SHQ1: variants seen among roughly 807,000 people sequenced by gnomAD.
SHQ1 encodes protein SHQ1 homolog.
Under a neutral mutation model 53.8 loss-of-function variants are expected in SHQ1, and 49 were observed. The ratio of observed to expected loss-of-function variants is 0.91; its 90% confidence interval spans 0.72 to 1.16. SHQ1 has a LOEUF of 1.16. Ranked by LOEUF, SHQ1 falls within the 50% of genes most tolerant of loss-of-function variation. The probability of loss-of-function intolerance (pLI) is 0.00; values close to 1 mark genes in which losing one functional copy is unlikely to be tolerated. For synonymous variants in SHQ1, 243 were observed against 251.0 expected, an observed-to-expected ratio of 0.97 and a Z score of 0.30; for missense variants, 738 against 683.1, an observed-to-expected ratio of 1.08 and a Z score of -0.90.
Position 72,848,393 on chromosome 3 carries a change from C to A in SHQ1, c.-53G>T. On this transcript the variant is annotated 5_prime_UTR_variant, in exon 1 of 11. Coordinates refer to ENST00000325599, the MANE Select transcript of SHQ1 (RefSeq NM_018130.3). ...CGCTCGCTCTCACTGCCGCCGCGTT[C>A]CCGCCACGCAAACTCTCCAACTCCC... The A allele has an allele frequency of 2.5e-6, 4 of 1,604,360 alleles. No homozygotes were observed. The highest frequency in any genetic ancestry group is 2.6e-6 in the Non-Finnish European group (3 of 1,174,966).
downstream of SHQ1, among the ~76,000 whole-genome samples, chr3:72,744,550 CTGTT>C (rs537817898): frequency 2.0e-5 from 3 of 152,174 alleles, no homozygotes; most frequent in South Asian, 2.1e-4. Context: ...ATGTGTTTGC[CTGTT>C]TGTTTTCTCC....
At chr3:72,842,933 G>T (rs192094950) in intron 2 of SHQ1, among the ~76,000 whole-genome samples, 1 of 152,178 alleles carries the variant, frequency 6.6e-6, no homozygotes, top group East Asian at 1.9e-4. Flanking sequence ...AAATTAGCTG[G>T]GAGTGGTGGC....
At chr3:72,765,550 T>G (rs1409362307) in intron 10 of SHQ1, among the ~76,000 whole-genome samples, 1 of 98,986 alleles carries the variant, frequency 1.0e-5, no homozygotes. Context: ...TATATATATA[T>G]ATATATATTT....
chr3:72,840,086 T>C lies in SHQ1; in HGVS notation c.486+959A>G, dbSNP rs1475657855. Among the ~76,000 whole-genome samples the C allele has an allele frequency of 2.6e-5, 4 of 151,236 alleles. No individual in the cohort carries two copies. The East Asian group carries it at 7.9e-4, about 30-fold the overall frequency. ...GGCCAACATGGCAAAACTCCATCTC[T>C]ACTAAAAATAGAAAAATTAGCCAGG... On this transcript the variant is annotated intron_variant, in intron 4 of 10. Transcript: ENST00000325599.
chr3:72,806,647 T>C (rs1471784225), intron 9 of SHQ1, among the ~76,000 whole-genome samples: 1 of 152,190 alleles, frequency 6.6e-6, no homozygotes. Flanking sequence ...AGATAGCATA[T>C]CGATTTTCCA....
intron 9 of SHQ1, among the ~76,000 whole-genome samples, chr3:72,812,377 C>G (rs1043948304): frequency 6.6e-6 from 1 of 152,264 alleles, no homozygotes; most frequent in South Asian, 2.1e-4. Context: ...TATAGGCAGC[C>G]AAGAAATACT....
At chr3:72,783,183 C>CCT (rs763918538) in intron 10 of SHQ1, among the ~76,000 whole-genome samples, 2 of 152,096 alleles carry the variant, frequency 1.3e-5, no homozygotes, top group Non-Finnish European at 2.9e-5. Flanking sequence ...GCCACCCAGC[C>CCT]ACAGCTATAA....
At chr3:72,835,122 T>G (rs1420001703) in intron 4 of SHQ1, among the ~76,000 whole-genome samples, 2 of 151,338 alleles carry the variant, frequency 1.3e-5, no homozygotes, top group Non-Finnish European at 2.9e-5. Flanking sequence ...TTTTTTTTTT[T>G]TTGAGACAGA....
the SHQ1 span, among the ~76,000 whole-genome samples, chr3:72,733,654 T>C: frequency 7.3e-5 from 11 of 151,658 alleles, no homozygotes; most frequent in South Asian, 1.9e-3. Context: ...GACATATAAA[T>C]TGAAGCCCGG....
At chr3:72,789,214 A>G (rs1706358850) in intron 10 of SHQ1, among the ~76,000 whole-genome samples, 1 of 152,238 alleles carries the variant, frequency 6.6e-6, no homozygotes, top group African/African-American at 2.4e-5. Context: ...CTAAGGTCAT[A>G]CGGTCAATGA....
At position 72,833,419 on chromosome 3, in the gene SHQ1, C is replaced by T. The variant is rs542160133; in HGVS notation, c.487-938G>A. On this transcript the variant is annotated intron_variant, in intron 4 of 10. Transcript: ENST00000325599. ...TCATGCCACTGCACTCTGGCCTGGG[C>T]GACAGAGCCAGACTCTATCAGAGAT... Among the ~76,000 whole-genome samples, 301 of 151,398 alleles carry T rather than the reference C, an allele frequency of 2.0e-3. 2 individuals are homozygous for T. The highest frequency in any genetic ancestry group is 6.7e-3 in the African/African-American group (276 of 41,174).
intron 10 of SHQ1, among the ~76,000 whole-genome samples, chr3:72,789,997 A>G (rs1328182799): frequency 6.6e-6 from 1 of 152,232 alleles, no homozygotes; most frequent in Non-Finnish European, 1.5e-5. Context: ...CTCTTATAAG[A>G]CATATAACCT....
At chr3:72,771,199 C>G (rs1188850281) in intron 10 of SHQ1, among the ~76,000 whole-genome samples, 1 of 152,226 alleles carries the variant, frequency 6.6e-6, no homozygotes, top group Non-Finnish European at 1.5e-5. Flanking sequence ...GAAGCCGTAT[C>G]TAATTCTTCT....
intron 1 of SHQ1, among the ~76,000 whole-genome samples, chr3:72,845,349 G>A (rs1398693901): frequency 6.6e-6 from 1 of 151,984 alleles, no homozygotes; most frequent in Non-Finnish European, 1.5e-5. Flanking sequence ...CAGGCATAGT[G>A]GTGCACACCT....
chr3:72,751,508 G>GTGTGTATATATATATATA (rs1210782182), intron 10 of SHQ1, among the ~76,000 whole-genome samples: 7 of 116,986 alleles, frequency 6.0e-5, no homozygotes, highest in African/African-American at 3.1e-4. Flanking sequence ...GTGTGTGTGT[G>GTGTGTATATATATATATA]TATATATATA....
chr3:72,779,079 G>A (rs1166725848), intron 10 of SHQ1, among the ~76,000 whole-genome samples: 3 of 152,170 alleles, frequency 2.0e-5, no homozygotes, highest in Non-Finnish European at 4.4e-5. Context: ...AAAATCCTTC[G>A]CTGGCTTCTC....
intron 10 of SHQ1, chr3:72,753,091 A>C (rs1705423780): frequency 1.0e-6 from 1 of 985,338 alleles, no homozygotes; most frequent in African/African-American, 1.7e-5. Context: ...AACATGACAC[A>C]AACTGGCATT....
chr3:72,826,086 A>G (rs1322719077), intron 5 of SHQ1, among the ~76,000 whole-genome samples: 1 of 152,216 alleles, frequency 6.6e-6, no homozygotes, highest in African/African-American at 2.4e-5. Context: ...TAGGATGTAG[A>G]CATACTGAAC....
chr3:72,788,206 G>GGCC (rs1706303888), intron 10 of SHQ1, among the ~76,000 whole-genome samples: 1 of 146,066 alleles, frequency 6.8e-6, no homozygotes. Context: ...CCCTCTGCCC[G>GGCC]GCCGCCCAGT....
Sources: allele counts gnomAD v4.1 joint callset (sites outside exome capture counted in the v4.1 genomes callset), GRCh38; gene constraint gnomAD v4.1.1; transcripts MANE v1.5; gene names NCBI Gene and HGNC (gene_info 2026-07-23, HGNC 2026-07-21).